The following ZNF141 variants were observed in gnomAD, a reference collection of about 807,000 sequenced individuals.
The protein encoded by ZNF141 is zinc finger protein 141.
Under a neutral mutation model 11.3 loss-of-function variants are expected in ZNF141, and 7 were observed. The ratio of observed to expected loss-of-function variants is 0.62; its 90% CI spans 0.35 to 1.16. The LOEUF is 1.16. Ranked by LOEUF, ZNF141 falls within the 50% of genes most tolerant of loss-of-function variation. The pLI is 0.02. For synonymous variants in ZNF141, 183 were observed against 190.7 expected (o/e 0.96, Z 0.33); for missense variants, 535 against 554.0 (o/e 0.97, Z 0.34).
chr4:367,925 T>C (rs1460925533), intron 3 of ZNF141, among the ~76,000 whole-genome samples: 2 of 152,330 alleles, frequency 1.3e-5, no homozygotes, highest in Non-Finnish European at 2.9e-5. Flanking sequence ...ATAAATACTT[T>C]TAAGTATTTA....
rs1264453868 is a variant in ZNF141 at position 384,797 on chromosome 4, C to T, written c.*10935C>T. 1 of 152,288 alleles carries T rather than the reference C, an allele frequency of 6.6e-6. No individual in the cohort carries two copies. The highest frequency in any genetic ancestry group is 6.5e-5 in the Admixed American group (1 of 15,282). 9.4% of individuals were successfully genotyped at this position (152,288 alleles called of 1,614,324 possible). A position where few individuals can be genotyped will look rare whatever the true frequency, so the allele number is the denominator to read the frequency against. On this transcript the variant is annotated 3_prime_UTR_variant, in exon 4 of 4. Coordinates refer to ENST00000240499, the MANE Select transcript of ZNF141 (RefSeq NM_003441.4). ...ACCCAGAACTCAGCCCCATTTCTGG[C>T]AACCTGCTTTCATGTCCCCTTTCTG... is the stretch of plus-strand genomic sequence containing the variant.
At position 374,159 on chromosome 4, in the gene ZNF141, G is replaced by T; in HGVS notation, c.*297G>T. ...AAGAGTGTAACAAAACCTTTAAACA[G>T]CCCTCACCGGTGAATAAACATAAGA... On this transcript the variant is annotated 3_prime_UTR_variant, in exon 4 of 4. Coordinates refer to ENST00000240499, the MANE Select transcript of ZNF141 (RefSeq NM_003441.4). The T allele has an allele frequency of 2.5e-6, 1 of 401,970 alleles. No individual in the cohort carries two copies. Among genetic ancestry groups the T allele is most frequent in the Non-Finnish European group, 4.6e-6 (1 of 219,028 alleles). 24.9% of individuals were successfully genotyped at this position (401,970 alleles called of 1,614,324 possible). A position where few individuals can be genotyped will look rare whatever the true frequency, so the allele number is the denominator to read the frequency against.
At chr4:350,709 A>G (rs1471854636) in intron 3 of ZNF141, among the ~76,000 whole-genome samples, 1 of 152,068 alleles carries the variant, frequency 6.6e-6, no homozygotes, top group Admixed American at 6.6e-5. Flanking sequence ...TGTCTTTGCC[A>G]TAGTGAGTGA....
chr4:358,075 T>G, intron 3 of ZNF141: 1 of 256,324 alleles, frequency 3.9e-6, no homozygotes, highest in Non-Finnish European at 7.6e-6. Flanking sequence ...AGTTTGCTTA[T>G]TTTTTTTTCC....
At chr4:353,463 A>AT (rs782000820) in intron 3 of ZNF141, among the ~76,000 whole-genome samples, 28,566 of 134,158 alleles carry the variant, frequency 0.21, 3,143 homozygotes, top group South Asian at 0.24. Context: ...TATTATTATT[A>AT]TTATTTTTTT....
chr4:352,159 G>A (rs1431094031), intron 3 of ZNF141, among the ~76,000 whole-genome samples: 1 of 152,076 alleles, frequency 6.6e-6, no homozygotes, highest in African/African-American at 2.4e-5. Flanking sequence ...AGGCCGAGAC[G>A]GGCATATCAG....
intron 3 of ZNF141, among the ~76,000 whole-genome samples, chr4:344,985 C>T (rs1721251881): frequency 6.6e-6 from 1 of 152,138 alleles, no homozygotes; most frequent in Non-Finnish European, 1.5e-5. Flanking sequence ...AGCTAATGTC[C>T]ACTTTATCGC....
Position 346,893 on chromosome 4 carries a change from A to ACACACCC in ZNF141, c.226+2464_226+2465insACACCCC, listed in dbSNP as rs373224939. Among the ~76,000 whole-genome samples the ACACACCC allele has an allele frequency of 2.6e-4, 35 of 135,470 alleles. 1 individual carries two copies. Among genetic ancestry groups the ACACACCC allele is most frequent in the African/African-American group, 7.3e-4 (23 of 31,356 alleles). 88.9% of individuals were successfully genotyped at this position (135,470 alleles called of 152,430 possible). Reference sequence around the variant, plus strand: ...TATATATGTATACACACACACACACACCGCCCCCCCCATATATTGGCTACT... The same window carrying ACACACCC: ...TATATATGTATACACACACACACACACACACCCCCGCCCCCCCCATATATTGGCTACT... On this transcript the variant is annotated intron_variant, in intron 3 of 3. Transcript: ENST00000240499.
intron 3 of ZNF141, among the ~76,000 whole-genome samples, chr4:360,040 GAATT>G (rs1722032703): frequency 1.3e-5 from 2 of 152,168 alleles, no homozygotes; most frequent in South Asian, 2.1e-4. Context: ...TTTACAATGA[GAATT>G]AATTACATTT....
rs189157151 is a variant in ZNF141, at chr4:346,025, G to A, written c.226+1595G>A. Among the ~76,000 whole-genome samples, 4 of 152,268 alleles carry A rather than the reference G, an allele frequency of 2.6e-5. No homozygotes were observed. The East Asian group carries it at 7.7e-4, about 29-fold the overall frequency. On this transcript the variant is annotated intron_variant, in intron 3 of 3. Transcript: ENST00000240499. ...TCTGTTGAGATTCTGTCATTGAGATGTATCTCTCTGTAGCTATATAAAAAT... is the reference window on the plus strand; with the variant it reads ...TCTGTTGAGATTCTGTCATTGAGATATATCTCTCTGTAGCTATATAAAAAT...
In ZNF141 at chr4:381,990, G is replaced by C. The variant is rs2108663604; in HGVS notation, c.*8128G>C. On this transcript the variant is annotated 3_prime_UTR_variant, in exon 4 of 4. Coordinates refer to ENST00000240499, the MANE Select transcript of ZNF141 (RefSeq NM_003441.4). ...TGAGACGGAGTCTCACTCTCGCCCA[G>C]GCTGGAGTGCAGTGGCTCGATCTCG... is the stretch of plus-strand genomic sequence containing the variant. Among the ~76,000 whole-genome samples the C allele has an allele frequency of 7.5e-6, 1 of 133,924 alleles. No individual in the cohort carries two copies. The highest frequency in any genetic ancestry group is 2.4e-4 in the South Asian group (1 of 4,240). 87.9% of individuals were successfully genotyped at this position (133,924 alleles called of 152,430 possible).
In ZNF141 at chr4:381,725, C is replaced by T. The variant is rs1002362552; in HGVS notation, c.*7863C>T. Among the ~76,000 whole-genome samples, 1 of 151,698 alleles carries T rather than the reference C, an allele frequency of 6.6e-6. No homozygotes were observed. On this transcript the variant is annotated 3_prime_UTR_variant, in exon 4 of 4. Transcript: ENST00000240499. ...TGCCCTCAAATATGCTTTCTTAGTA[C>T]TCCACATTTATGCAGCCATCTGGGA...
intron 1 of ZNF141, among the ~76,000 whole-genome samples, chr4:339,662 GCTT>G (rs1297455654): frequency 1.3e-5 from 2 of 152,158 alleles, no homozygotes; most frequent in Admixed American, 1.3e-4. Context: ...TATTTTCTCT[GCTT>G]CTTTGAAATA....
At chr4:368,811 C>T in intron 3 of ZNF141, among the ~76,000 whole-genome samples, 1 of 152,100 alleles carries the variant, frequency 6.6e-6, no homozygotes, top group East Asian at 1.9e-4. Context: ...TGTAGTGTTT[C>T]TGACATTGTT....
rs1553853903 is a variant in ZNF141 at position 373,211 on chromosome 4, A to G, written c.774A>G (p.Glu258=). 1 of 1,614,112 alleles carries G rather than the reference A, an allele frequency of 6.2e-7. No homozygotes were observed. Among genetic ancestry groups the G allele is most frequent in the Non-Finnish European group, 8.5e-7 (1 of 1,180,012 alleles). ...CTGGAGAAAAACCCTATAAATGTGAAGAATGTGGCAAAGCCTTTAATAGGT... is the reference window on the plus strand; with the variant it reads ...CTGGAGAAAAACCCTATAAATGTGAGGAATGTGGCAAAGCCTTTAATAGGT... ...IHTGEKPYKC[E]ECGKAFNRFT... The change falls in exon 4 of 4, where the codon GAA becomes GAG. Residue 258 remains glutamate, a synonymous_variant. Coordinates refer to ENST00000240499, the MANE Select transcript of ZNF141 (RefSeq NM_003441.4).
chr4:369,217 T>C (rs1711905709), intron 3 of ZNF141, among the ~76,000 whole-genome samples: 2 of 152,148 alleles, frequency 1.3e-5, no homozygotes, highest in Admixed American at 6.5e-5. Flanking sequence ...ACATTTATCA[T>C]GGGTTCTAAG....
chr4:366,030 A>G (rs1711725189), intron 3 of ZNF141, among the ~76,000 whole-genome samples: 1 of 152,166 alleles, frequency 6.6e-6, no homozygotes, highest in Non-Finnish European at 1.5e-5. Flanking sequence ...TTTGCTTATT[A>G]TAGCTTTATA....
At position 373,806 on chromosome 4, in the gene ZNF141, G is replaced by A. The variant is rs782191195; in HGVS notation, c.1369G>A (p.Asp457Asn). ...TAAACCCTACAAATGTAAAGATTGTGACAAAGCCTTTAAACGGTTCTCACA... is the reference window on the plus strand; with the variant it reads ...TAAACCCTACAAATGTAAAGATTGTAACAAAGCCTTTAAACGGTTCTCACA... ...VDKPYKCKDCDKAFKRFSHLN... is the reference protein window; with the variant it reads ...VDKPYKCKDCNKAFKRFSHLN... Residue 457 changes from aspartate (D) to asparagine (N), a missense_variant, in exon 4 of 4, where the codon GAC (aspartate) becomes AAC (asparagine). By Grantham distance (23) the Asp-to-Asn change is conservative. Transcript: ENST00000240499. 1 of 1,613,950 alleles carries A rather than the reference G, an allele frequency of 6.2e-7. No homozygotes were observed. Among genetic ancestry groups the A allele is most frequent in the South Asian group, 1.1e-5 (1 of 91,068 alleles).
Position 343,820 on chromosome 4 carries a change from T to G in ZNF141, c.42T>G (p.Ser14=), listed in dbSNP as rs1553848946. 2.4e-5 allele frequency: 39 copies of G among 1,604,876 alleles called. No homozygotes were observed. Among genetic ancestry groups the G allele is most frequent in the Non-Finnish European group, 3.3e-5 (39 of 1,176,246 alleles). The change falls in exon 2 of 4, where the codon TCT becomes TCG. Residue 14 remains serine (S), a synonymous_variant. Coordinates refer to ENST00000240499, the MANE Select transcript of ZNF141 (RefSeq NM_003441.4). ...LTFRDVAIEF[S]PEEWKCLDPD... ...TCAGGGATGTGGCCATAGAATTCTC[T>G]CCAGAAGAGTGGAAATGCCTGGACC...
Sources: gnomAD v4.1 joint callset for allele counts (sites outside exome capture counted in the v4.1 genomes callset) on GRCh38, gnomAD v4.1.1 for gene constraint, MANE v1.5 for transcripts, NCBI Gene and HGNC (gene_info 2026-07-23, HGNC 2026-07-21) for gene names.